The following SORCS1 variants were observed in gnomAD, a reference collection of about 807,000 sequenced individuals.
The protein encoded by SORCS1 is VPS10 domain-containing receptor SorCS1.
Under a neutral mutation model 146.1 loss-of-function variants are expected in SORCS1, and 60 were observed. The observed-to-expected ratio is 0.41, with a 90% CI of 0.33 to 0.51. The LOEUF is 0.51. Among genes scored for constraint, SORCS1 ranks in the 20% least tolerant of loss-of-function variants. The pLI, the probability that SORCS1 is intolerant of heterozygous loss-of-function variation, is 0.21. For synonymous variants in SORCS1, 637 were observed against 584.0 expected (o/e 1.09, Z -1.31); for missense variants, 1,352 against 1,487.6 (o/e 0.91, Z 1.50).
chr10:107,031,114 G>A (rs1219377380), intron 1 of SORCS1, among the ~76,000 whole-genome samples: 1 of 151,858 alleles, frequency 6.6e-6, no homozygotes, highest in Non-Finnish European at 1.5e-5. Context: ...GGAAGCAGAG[G>A]TCTACATATA....
intron 2 of SORCS1, among the ~76,000 whole-genome samples, chr10:106,880,000 A>G (rs1950748593): frequency 6.6e-6 from 1 of 152,224 alleles, no homozygotes; most frequent in Non-Finnish European, 1.5e-5. Context: ...AATTTATGGT[A>G]ATTTGTTAGG....
At chr10:106,794,019 G>C (rs1487642040) in intron 3 of SORCS1, among the ~76,000 whole-genome samples, 1 of 152,188 alleles carries the variant, frequency 6.6e-6, no homozygotes, top group African/African-American at 2.4e-5. Flanking sequence ...TTCAGTGGCA[G>C]ACCTTTTTTC....
At position 107,076,687 on chromosome 10, in the gene SORCS1, G is replaced by T. The variant is rs184574408; in HGVS notation, c.558+87282C>A. ...TTGGGAGAACAACATGTAGCTCTTT[G>T]TGGGTAAATTAAGGTACATATTTTA... On this transcript the variant is annotated intron_variant, in intron 1 of 25. Coordinates refer to ENST00000263054, the MANE Select transcript of SORCS1 (RefSeq NM_052918.5). Among the ~76,000 whole-genome samples the T allele has an allele frequency of 3.3e-5, 5 of 152,260 alleles. No individual in the cohort carries two copies. The East Asian group carries it at 9.7e-4, about 29-fold the overall frequency.
chr10:106,699,192 C>A, intron 9 of SORCS1, 22 bp downstream of exon 9: 1 of 1,587,132 alleles, frequency 6.3e-7, no homozygotes, highest in Non-Finnish European at 8.6e-7. Flanking sequence ...TGGCTTAGGA[C>A]CACATATGCC....
At chr10:106,752,231 T>A (rs1000519519) in intron 5 of SORCS1, among the ~76,000 whole-genome samples, 6 of 152,170 alleles carry the variant, frequency 3.9e-5, no homozygotes, top group Non-Finnish European at 8.8e-5. Context: ...ATCTGTGACA[T>A]CATCACATTT....
chr10:106,913,878 G>A (rs1206128322), intron 2 of SORCS1, among the ~76,000 whole-genome samples: 1 of 152,112 alleles, frequency 6.6e-6, no homozygotes, highest in Non-Finnish European at 1.5e-5. Context: ...TCTTTTAGGA[G>A]GCAAAAGTGA....
intron 18 of SORCS1, among the ~76,000 whole-genome samples, chr10:106,642,289 T>C (rs1849122482): frequency 6.6e-6 from 1 of 152,236 alleles, no homozygotes; most frequent in Non-Finnish European, 1.5e-5. Context: ...GTTAACAACT[T>C]GGGGAGGTGA....
At chr10:106,913,259 C>T (rs773045003) in intron 2 of SORCS1, among the ~76,000 whole-genome samples, 28 of 152,126 alleles carry the variant, frequency 1.8e-4, no homozygotes, top group Non-Finnish European at 3.4e-4. Flanking sequence ...AAGCAGTGGG[C>T]GCTTCGAATG....
At chr10:106,688,076 C>T in intron 10 of SORCS1, 116 bp downstream of exon 10, 1 of 1,420,140 alleles carries the variant, frequency 7.0e-7, no homozygotes, top group Non-Finnish European at 9.5e-7. Flanking sequence ...CGCCCTTCCC[C>T]ACTCCCTTTT....
At chr10:107,025,044 G>A (rs1958338867) in intron 1 of SORCS1, among the ~76,000 whole-genome samples, 1 of 152,160 alleles carries the variant, frequency 6.6e-6, no homozygotes, top group Non-Finnish European at 1.5e-5. Context: ...ATCACCTGAT[G>A]TGAAACACAG....
chr10:106,703,493 C>T (rs992998529), intron 8 of SORCS1, among the ~76,000 whole-genome samples: 1 of 152,206 alleles, frequency 6.6e-6, no homozygotes, highest in Non-Finnish European at 1.5e-5. Flanking sequence ...AAACTCATTA[C>T]TTTCCCCTGT....
intron 1 of SORCS1, among the ~76,000 whole-genome samples, chr10:107,101,178 C>G (rs939582434): frequency 6.6e-6 from 1 of 152,100 alleles, no homozygotes; most frequent in African/African-American, 2.4e-5. Context: ...TCTGCCTCAG[C>G]CTCCCAAGTA....
chr10:106,576,844 C>CG lies in SORCS1; in HGVS notation c.*575_*576insC. ...AAAGGAGCTGGGGTAGCTAATCCAC[C>CG]CATCAGCCTTTAATGCTAAAATAGC... On this transcript the variant is annotated 3_prime_UTR_variant, in exon 26 of 26. Coordinates refer to ENST00000263054, the MANE Select transcript of SORCS1 (RefSeq NM_052918.5). 1 of 174,096 alleles carries CG rather than the reference C, an allele frequency of 5.7e-6. No homozygotes were observed. Among genetic ancestry groups the CG allele is most frequent in the Non-Finnish European group, 1.2e-5 (1 of 81,780 alleles). The allele number at this position is 174,096 out of a possible 1,614,324, so 10.8% of individuals were successfully genotyped here. A position where few individuals can be genotyped will look rare whatever the true frequency, so the allele number is the denominator to read the frequency against.
chr10:106,939,887 G>A (rs959795062), intron 2 of SORCS1, among the ~76,000 whole-genome samples: 3 of 152,098 alleles, frequency 2.0e-5, no homozygotes, highest in South Asian at 2.1e-4. Flanking sequence ...ATGGATACTC[G>A]CTTCAGTGCC....
At chr10:107,041,404 T>TA (rs5787703) in intron 1 of SORCS1, among the ~76,000 whole-genome samples, 3,095 of 142,186 alleles carry the variant, frequency 0.022, 44 homozygotes, top group African/African-American at 0.035. Context: ...TAAAGGGGAT[T>TA]AAAAAAAAAA....
At chr10:107,011,008 G>A (rs1957675079) in intron 1 of SORCS1, among the ~76,000 whole-genome samples, 1 of 152,176 alleles carries the variant, frequency 6.6e-6, no homozygotes, top group Admixed American at 6.5e-5. Context: ...CATGCTGTAA[G>A]ATCTGCCTAG....
At chr10:106,814,301 T>G (rs1204690143) in intron 3 of SORCS1, among the ~76,000 whole-genome samples, 1 of 152,228 alleles carries the variant, frequency 6.6e-6, no homozygotes, top group African/African-American at 2.4e-5. Context: ...GATTATATAA[T>G]TCGTATTTAA....
chr10:106,916,350 T>C (rs1023994264), intron 2 of SORCS1, among the ~76,000 whole-genome samples: 1 of 151,650 alleles, frequency 6.6e-6, no homozygotes, highest in Non-Finnish European at 1.5e-5. Context: ...TGGCAATACA[T>C]TTTTTTTCCA....
chr10:107,065,718 A>G (rs1961785392), intron 1 of SORCS1, among the ~76,000 whole-genome samples: 1 of 151,654 alleles, frequency 6.6e-6, no homozygotes, highest in Non-Finnish European at 1.5e-5. Flanking sequence ...GGGTTTCTCT[A>G]TGTTGCTCAG....
Sources: gnomAD v4.1 joint callset for allele counts (sites outside exome capture counted in the v4.1 genomes callset) on GRCh38, gnomAD v4.1.1 for gene constraint, MANE v1.5 for transcripts, NCBI Gene and HGNC (gene_info 2026-07-23, HGNC 2026-07-21) for gene names.